CTNNA2: variants seen among roughly 807,000 people sequenced by gnomAD.
The protein encoded by CTNNA2 is catenin alpha 2.
Under a neutral mutation model 101.0 loss-of-function variants are expected in CTNNA2, and 42 were observed. The ratio of observed to expected loss-of-function variants is 0.42; its 90% CI spans 0.32 to 0.54. The LOEUF (loss-of-function observed/expected upper bound fraction) is 0.54. CTNNA2 is among the 20% of genes least tolerant of loss of function. The pLI is 0.14. For missense variants in CTNNA2, 871 were observed against 1,223.1 expected (o/e 0.71, Z 4.29); for synonymous variants, 450 against 456.4 (o/e 0.99, Z 0.18).
At chr2:79,375,699 G>A (rs1677963362) in intron 4 of CTNNA2, among the ~76,000 whole-genome samples, 2 of 152,054 alleles carry the variant, frequency 1.3e-5, no homozygotes, top group Admixed American at 1.3e-4. Context: ...TATTTTCTTG[G>A]TGCTTTTGAG....
intron 3 of CTNNA2, among the ~76,000 whole-genome samples, chr2:79,794,031 G>A (rs569411973): frequency 6.6e-4 from 101 of 152,074 alleles, no homozygotes; most frequent in African/African-American, 2.2e-3. Flanking sequence ...ATTGCGTTAA[G>A]TGTGTACGAT....
intron 4 of CTNNA2, among the ~76,000 whole-genome samples, chr2:79,460,334 C>T (rs139454325): frequency 2.6e-4 from 40 of 152,222 alleles, no homozygotes; most frequent in Non-Finnish European, 3.2e-4. Flanking sequence ...TTGTGTTCTA[C>T]GTTCACACCC....
At chr2:80,183,388 T>C (rs1029770158) in intron 7 of CTNNA2, among the ~76,000 whole-genome samples, 1 of 152,192 alleles carries the variant, frequency 6.6e-6, no homozygotes, top group African/African-American at 2.4e-5. Context: ...ACCCATATTT[T>C]TACCTCCAAT....
At chr2:79,569,991 G>C (rs1675362221) in intron 1 of CTNNA2, among the ~76,000 whole-genome samples, 1 of 152,110 alleles carries the variant, frequency 6.6e-6, no homozygotes, top group Non-Finnish European at 1.5e-5. Context: ...AGTCCTCATA[G>C]TACAACAGCA....
intron 3 of CTNNA2, among the ~76,000 whole-genome samples, chr2:79,820,086 A>ATAG (rs1553373783): frequency 6.6e-6 from 1 of 151,656 alleles, no homozygotes; most frequent in Non-Finnish European, 1.5e-5. Context: ...AATATATGTA[A>ATAG]TATGTGATTT....
At chr2:79,660,125 C>T (rs566484442) in intron 2 of CTNNA2, among the ~76,000 whole-genome samples, 3 of 151,776 alleles carry the variant, frequency 2.0e-5, no homozygotes, top group African/African-American at 7.2e-5. Flanking sequence ...ATATTACATA[C>T]AAATAGCATG....
intron 2 of CTNNA2, among the ~76,000 whole-genome samples, chr2:79,199,792 C>T (rs1462795246): frequency 3.9e-5 from 6 of 152,118 alleles, no homozygotes; most frequent in African/African-American, 1.4e-4. Context: ...AACTTAGACT[C>T]CTAAATTCAA....
chr2:79,222,898 A>G (rs946119317), intron 2 of CTNNA2, among the ~76,000 whole-genome samples: 1 of 152,124 alleles, frequency 6.6e-6, no homozygotes. Context: ...CTGTAATCCC[A>G]GAACTTTGGA....
At chr2:79,206,972 G>A (rs1053938921) in intron 2 of CTNNA2, among the ~76,000 whole-genome samples, 2 of 152,192 alleles carry the variant, frequency 1.3e-5, no homozygotes, top group African/African-American at 2.4e-5. Context: ...AAAATACCCT[G>A]AGTGTAGGTG....
chr2:79,716,835 T>C (rs1282960527), intron 2 of CTNNA2, among the ~76,000 whole-genome samples: 1 of 151,986 alleles, frequency 6.6e-6, no homozygotes, highest in African/African-American at 2.4e-5. Flanking sequence ...AAATAAGATG[T>C]ACAAGAAAAA....
At chr2:80,252,932 G>A (rs1259833059) in intron 7 of CTNNA2, among the ~76,000 whole-genome samples, 1 of 152,052 alleles carries the variant, frequency 6.6e-6, no homozygotes, top group Non-Finnish European at 1.5e-5. Context: ...TTGGGAAGGG[G>A]GATGGTGATA....
At chr2:79,569,208 A>G (rs1038880655) in intron 1 of CTNNA2, among the ~76,000 whole-genome samples, 1 of 152,180 alleles carries the variant, frequency 6.6e-6, no homozygotes, top group Non-Finnish European at 1.5e-5. Flanking sequence ...TGTGTTAGGT[A>G]GCGTGACAGG....
chr2:80,405,894 C>A (rs1041749405), intron 8 of CTNNA2, among the ~76,000 whole-genome samples: 2 of 152,142 alleles, frequency 1.3e-5, no homozygotes, highest in African/African-American at 4.8e-5. Context: ...ATCTTCTTTC[C>A]TTCCATAATT....
At chr2:79,422,513 C>G (rs976929303) in intron 4 of CTNNA2, among the ~76,000 whole-genome samples, 4 of 152,148 alleles carry the variant, frequency 2.6e-5, no homozygotes, top group African/African-American at 7.2e-5. Flanking sequence ...AGGGAGCAGT[C>G]TTCCATGGTT....
intron 6 of CTNNA2, among the ~76,000 whole-genome samples, chr2:79,878,979 T>C (rs967427125): frequency 2.0e-5 from 3 of 152,234 alleles, no homozygotes; most frequent in African/African-American, 7.2e-5. Context: ...CTTTAATACA[T>C]CTTGAGTTAG....
chr2:79,394,178 TTTTA>T (rs1478920045), intron 4 of CTNNA2, among the ~76,000 whole-genome samples: 1 of 152,064 alleles, frequency 6.6e-6, no homozygotes, highest in African/African-American at 2.4e-5. Flanking sequence ...CATTTTTTGT[TTTTA>T]TTTGTTTGTT....
At chr2:79,803,466 G>A (rs1399539047) in intron 3 of CTNNA2, among the ~76,000 whole-genome samples, 2 of 152,346 alleles carry the variant, frequency 1.3e-5, no homozygotes, top group African/African-American at 4.8e-5. Flanking sequence ...GGGATGGGCC[G>A]AATTAAAGGA....
At chr2:79,214,028 C>T (rs544713513) in intron 2 of CTNNA2, among the ~76,000 whole-genome samples, 38 of 152,222 alleles carry the variant, frequency 2.5e-4, no homozygotes, top group East Asian at 7.7e-4. Context: ...GAATTCTGAC[C>T]GCACTAACTA....
At chr2:79,927,881 G>A (rs896581433) in intron 7 of CTNNA2, among the ~76,000 whole-genome samples, 2 of 152,086 alleles carry the variant, frequency 1.3e-5, no homozygotes, top group Admixed American at 6.6e-5. Context: ...TCTCTTTGAA[G>A]GCTCTGATAT....
Sources: gnomAD v4.1 joint callset for allele counts (sites outside exome capture counted in the v4.1 genomes callset) on GRCh38, gnomAD v4.1.1 for gene constraint, MANE v1.5 for transcripts, NCBI Gene and HGNC (gene_info 2026-07-23, HGNC 2026-07-21) for gene names.